HDAC9: variants seen among roughly 807,000 people sequenced by gnomAD.
HDAC9 encodes histone deacetylase 9.
A neutral mutation model predicts 139.4 loss-of-function variants in HDAC9; 41 were observed. The observed-to-expected ratio is 0.29, with a 90% confidence interval of 0.23 to 0.38. The LOEUF (loss-of-function observed/expected upper bound fraction) is 0.38, where lower values mean the gene tolerates loss of function less well. HDAC9 is among the 10% of genes least tolerant of loss of function. HDAC9 has a pLI of 1.00. For synonymous variants in HDAC9, 517 were observed against 476.2 expected, an observed-to-expected ratio of 1.09 and a Z score of -1.12; for missense variants, 1,147 against 1,297.0, an observed-to-expected ratio of 0.88 and a Z score of 1.78.
chr7:18,642,908 C>G (rs986613842), intron 8 of HDAC9, among the ~76,000 whole-genome samples: 8 of 152,066 alleles, frequency 5.3e-5, no homozygotes, highest in Non-Finnish European at 1.0e-4. Context: ...CAGTCCGTGT[C>G]AAATCCCCTA....
At chr7:18,109,910 A>G (rs1025610163) in intron 1 of HDAC9, among the ~76,000 whole-genome samples, 7 of 152,196 alleles carry the variant, frequency 4.6e-5, no homozygotes, top group African/African-American at 1.2e-4. Flanking sequence ...CAATCATTGT[A>G]TGGTGCTTTA....
At chr7:18,694,699 C>A (rs1170880754) in intron 12 of HDAC9, among the ~76,000 whole-genome samples, 1 of 152,060 alleles carries the variant, frequency 6.6e-6, no homozygotes, top group Admixed American at 6.6e-5. Context: ...TGATTTATTT[C>A]TCTGTGGTGT....
chr7:18,176,525 A>G (rs1461484089), intron 2 of HDAC9, among the ~76,000 whole-genome samples: 1 of 152,244 alleles, frequency 6.6e-6, no homozygotes, highest in African/African-American at 2.4e-5. Flanking sequence ...ACTGTTAACT[A>G]GATCTTCCAA....
intron 2 of HDAC9, among the ~76,000 whole-genome samples, chr7:18,204,115 A>G (rs1427793914): frequency 6.6e-6 from 1 of 152,136 alleles, no homozygotes; most frequent in African/African-American, 2.4e-5. Context: ...ATTAGTGGGG[A>G]AAGGTAAAAA....
intron 1 of HDAC9, among the ~76,000 whole-genome samples, chr7:18,320,594 G>A (rs1220866344): frequency 6.6e-6 from 1 of 152,152 alleles, no homozygotes; most frequent in Non-Finnish European, 1.5e-5. Context: ...GAACTTGAAG[G>A]ACCTGTCATT....
chr7:18,925,595 A>G (rs1804146449), intron 22 of HDAC9, among the ~76,000 whole-genome samples: 1 of 152,050 alleles, frequency 6.6e-6, no homozygotes, highest in Non-Finnish European at 1.5e-5. Flanking sequence ...CCTGTGTAAA[A>G]CTAAATCAAT....
intron 1 of HDAC9, among the ~76,000 whole-genome samples, chr7:18,434,871 C>A (rs1300166418): frequency 6.6e-6 from 1 of 151,932 alleles, no homozygotes; most frequent in Non-Finnish European, 1.5e-5. Context: ...ACCATTCAAC[C>A]CATCAATCTC....
At chr7:18,499,666 A>G (rs1045251546) in intron 2 of HDAC9, among the ~76,000 whole-genome samples, 3 of 152,184 alleles carry the variant, frequency 2.0e-5, no homozygotes, top group Non-Finnish European at 4.4e-5. Flanking sequence ...TCCAGACAAT[A>G]TTGGAACAAT....
chr7:18,419,463 T>G (rs1789412679), intron 1 of HDAC9, among the ~76,000 whole-genome samples: 1 of 152,118 alleles, frequency 6.6e-6, no homozygotes, highest in African/African-American at 2.4e-5. Context: ...AAGACTGTGC[T>G]CCATCTACTG....
intron 14 of HDAC9, among the ~76,000 whole-genome samples, chr7:18,750,305 T>C (rs1788331608): frequency 6.6e-6 from 1 of 152,204 alleles, no homozygotes; most frequent in South Asian, 2.1e-4. Flanking sequence ...ATATATTCTA[T>C]GTTACAAGGG....
At chr7:18,272,572 T>A (rs1336786391) in intron 2 of HDAC9, among the ~76,000 whole-genome samples, 1 of 152,166 alleles carries the variant, frequency 6.6e-6, no homozygotes, top group Non-Finnish European at 1.5e-5. Context: ...TAACACTAGC[T>A]ATCGAAATAA....
At chr7:18,695,439 C>A (rs1477409452) in intron 12 of HDAC9, among the ~76,000 whole-genome samples, 1 of 152,080 alleles carries the variant, frequency 6.6e-6, no homozygotes, top group African/African-American at 2.4e-5. Flanking sequence ...TGACACAGTC[C>A]ATGTTGACTC....
At chr7:18,649,602 G>T (rs1788610308) in intron 11 of HDAC9, among the ~76,000 whole-genome samples, 1 of 152,126 alleles carries the variant, frequency 6.6e-6, no homozygotes, top group Non-Finnish European at 1.5e-5. Flanking sequence ...TAATAACTTT[G>T]TTGTACTATG....
In HDAC9 at chr7:18,496,285, C is replaced by A; in HGVS notation, c.-18C>A. 1 of 1,613,184 alleles carries A rather than the reference C, an allele frequency of 6.2e-7. No homozygotes were observed. Among genetic ancestry groups the A allele is most frequent in the South Asian group, 1.1e-5 (1 of 91,070 alleles). ...AGATGGGGTGGCTGGACGAGAGCAG[C>A]TCTTGGCTCAGCAAAGAATGCACAG... On this transcript the variant is annotated 5_prime_UTR_variant, in exon 2 of 26. Coordinates refer to ENST00000686413, the MANE Select transcript of HDAC9 (RefSeq NM_178425.4).
intron 2 of HDAC9, among the ~76,000 whole-genome samples, chr7:18,282,987 A>G (rs1313710038): frequency 1.7e-5 from 2 of 114,514 alleles, no homozygotes; most frequent in Admixed American, 1.7e-4. Context: ...TTCTATCTCA[A>G]TTTTGTAGAT....
intron 2 of HDAC9, chr7:18,505,743 C>G (rs954836395): frequency 2.6e-5 from 4 of 152,222 alleles, no homozygotes; most frequent in African/African-American, 9.7e-5. Flanking sequence ...CTATGAGAAT[C>G]TTGAGCCATC....
upstream of HDAC9, among the ~76,000 whole-genome samples, chr7:18,285,635 A>G (rs1427389597): frequency 6.6e-6 from 1 of 152,044 alleles, no homozygotes. Context: ...ATTAGCATCA[A>G]TGATATATGA....
At chr7:18,206,269 A>G (rs1413438083) in intron 2 of HDAC9, among the ~76,000 whole-genome samples, 1 of 152,196 alleles carries the variant, frequency 6.6e-6, no homozygotes, top group Non-Finnish European at 1.5e-5. Flanking sequence ...AGTTTTGGAA[A>G]ATAAAACTTA....
intron 1 of HDAC9, among the ~76,000 whole-genome samples, chr7:18,426,249 A>C (rs981597849): frequency 6.6e-6 from 1 of 152,140 alleles, no homozygotes; most frequent in Admixed American, 6.6e-5. Context: ...GTTCATAGCA[A>C]TCTCTGAAAG....
Sources: allele counts gnomAD v4.1 joint callset (sites outside exome capture counted in the v4.1 genomes callset), GRCh38; gene constraint gnomAD v4.1.1; transcripts MANE v1.5; gene names NCBI Gene and HGNC (gene_info 2026-07-23, HGNC 2026-07-21).